The following ELAPOR1 variants were observed in gnomAD, a reference collection of about 807,000 sequenced individuals.
The protein encoded by ELAPOR1 is endosome/lysosome-associated apoptosis and autophagy regulator 1.
In ELAPOR1, 77 loss-of-function variants were observed where a neutral mutation model predicts 119.7. The observed-to-expected ratio is 0.64, with a 90% CI of 0.54 to 0.78. The LOEUF is 0.78. Ranked by LOEUF, ELAPOR1 falls within the 30% of genes least tolerant of loss-of-function variation. The pLI is 0.00. For synonymous variants in ELAPOR1, 481 were observed against 487.2 expected (o/e 0.99, Z 0.17); for missense variants, 1,115 against 1,270.4 (o/e 0.88, Z 1.86).
intron 1 of ELAPOR1, among the ~76,000 whole-genome samples, chr1:109,148,373 A>C (rs1184411347): frequency 1.4e-5 from 2 of 148,146 alleles, no homozygotes; most frequent in Non-Finnish European, 3.0e-5. Context: ...TCCTGACCTC[A>C]GGTGATCCGC....
At chr1:109,132,194 C>G (rs968069387) in intron 1 of ELAPOR1, among the ~76,000 whole-genome samples, 3 of 151,980 alleles carry the variant, frequency 2.0e-5, no homozygotes, top group African/African-American at 7.3e-5. Flanking sequence ...GTCACCCAGG[C>G]TAGAGTGCAA....
chr1:109,157,300 T>G (rs145528534), intron 1 of ELAPOR1, among the ~76,000 whole-genome samples: 51 of 152,286 alleles, frequency 3.3e-4, no homozygotes, highest in African/African-American at 1.0e-3. Flanking sequence ...GCAAGTGACT[T>G]TGCCTCTCAA....
chr1:109,143,190 T>C (rs549730846), intron 1 of ELAPOR1, among the ~76,000 whole-genome samples: 7 of 152,232 alleles, frequency 4.6e-5, no homozygotes, highest in Admixed American at 2.0e-4. Flanking sequence ...CCTCAAGAGA[T>C]CCACCCGCCT....
intron 9 of ELAPOR1, 112 bp downstream of exon 9, chr1:109,188,466 A>G: frequency 8.0e-7 from 1 of 1,253,500 alleles, no homozygotes. Flanking sequence ...GGGAGGCAGT[A>G]AGGAATAAGG....
In ELAPOR1 at chr1:109,200,749, A is replaced by G; in HGVS notation, c.2822A>G (p.Tyr941Cys). ...WKKNQKLEYKYSKLVMNATLK... is the reference protein window; with the variant it reads ...WKKNQKLEYKCSKLVMNATLK... ...CTGTTTTATAGACTAGAGTACAAGTACTCCAAGCTGGTGATGAATGCTACT... is the reference window on the plus strand; with the variant it reads ...CTGTTTTATAGACTAGAGTACAAGTGCTCCAAGCTGGTGATGAATGCTACT... Residue 941 changes from tyrosine (Y) to cysteine (C), a missense_variant, in exon 21 of 22, where the codon TAC (tyrosine) becomes TGC (cysteine). Tyr to Cys is a radical substitution (Grantham distance 194). Coordinates refer to ENST00000369939, the MANE Select transcript of ELAPOR1 (RefSeq NM_020775.5). 1 of 1,613,780 alleles carries G rather than the reference A, an allele frequency of 6.2e-7. No individual in the cohort carries two copies. The highest frequency in any genetic ancestry group is 2.2e-5 in the East Asian group (1 of 44,872).
intron 3 of ELAPOR1, among the ~76,000 whole-genome samples, chr1:109,171,386 A>T (rs1435205258): frequency 6.6e-6 from 1 of 150,496 alleles, no homozygotes; most frequent in Non-Finnish European, 1.5e-5. Context: ...TGTCTCTACT[A>T]AAAAAAAATA....
intron 1 of ELAPOR1, among the ~76,000 whole-genome samples, 187 bp downstream of exon 1, chr1:109,114,523 C>CA (rs1321846569): frequency 1.3e-5 from 2 of 152,068 alleles, no homozygotes; most frequent in Non-Finnish European, 2.9e-5. Flanking sequence ...TTGGAGGACT[C>CA]ACGGATAGAT....
At chr1:109,177,537 G>C (rs1362489770) in intron 7 of ELAPOR1, among the ~76,000 whole-genome samples, 2 of 116,742 alleles carry the variant, frequency 1.7e-5, no homozygotes, top group African/African-American at 7.6e-5. Flanking sequence ...CCCAGACGGG[G>C]TGGCGGCCGG....
chr1:109,192,177 C>T (rs1358770747), intron 13 of ELAPOR1, among the ~76,000 whole-genome samples: 1 of 152,166 alleles, frequency 6.6e-6, no homozygotes, highest in Admixed American at 6.5e-5. Flanking sequence ...CAAAGGAATA[C>T]AGGCTCATTG....
intron 10 of ELAPOR1, 63 bp downstream of exon 10, chr1:109,189,257 T>G (rs1224903070): frequency 1.3e-6 from 2 of 1,553,932 alleles, no homozygotes; most frequent in African/African-American, 2.7e-5. Context: ...TCTTCCAACT[T>G]CACATTTCTT....
At chr1:109,191,140 G>A (rs1653406088) in intron 11 of ELAPOR1, among the ~76,000 whole-genome samples, 1 of 152,136 alleles carries the variant, frequency 6.6e-6, no homozygotes, top group South Asian at 2.1e-4. Context: ...ATGATGGGGG[G>A]TAGGTAAGAA....
At chr1:109,165,210 T>C (rs770061035) in intron 3 of ELAPOR1, among the ~76,000 whole-genome samples, 5 of 152,110 alleles carry the variant, frequency 3.3e-5, no homozygotes, top group Non-Finnish European at 7.4e-5. Flanking sequence ...GAGGATAACT[T>C]GAGCCTAGGA....
chr1:109,147,256 A>C (rs932614485), intron 1 of ELAPOR1, among the ~76,000 whole-genome samples: 1 of 152,060 alleles, frequency 6.6e-6, no homozygotes, highest in African/African-American at 2.4e-5. Context: ...TAACACAATT[A>C]AACAGTTAGT....
intron 5 of ELAPOR1, 138 bp downstream of exon 5, chr1:109,172,706 T>C: frequency 1.5e-6 from 1 of 660,534 alleles, no homozygotes; most frequent in Non-Finnish European, 2.7e-6. Flanking sequence ...GAAGATGCTG[T>C]AGTTACTGTC....
chr1:109,152,226 A>C (rs181845428), intron 1 of ELAPOR1, among the ~76,000 whole-genome samples: 199 of 152,278 alleles, frequency 1.3e-3, no homozygotes, highest in African/African-American at 4.5e-3. Flanking sequence ...CTATGAGAGG[A>C]GAAGAGAAAC....
chr1:109,197,254 T>C (rs1653863588), intron 15 of ELAPOR1, among the ~76,000 whole-genome samples: 2 of 152,010 alleles, frequency 1.3e-5, no homozygotes, highest in African/African-American at 2.4e-5. Context: ...ACCATTGCAC[T>C]CCAGCCCGGG....
intron 3 of ELAPOR1, among the ~76,000 whole-genome samples, chr1:109,171,079 A>G (rs553546530): frequency 1.3e-5 from 2 of 152,304 alleles, no homozygotes; most frequent in South Asian, 4.1e-4. Flanking sequence ...AGAGTTTGGC[A>G]GACCTGATTT....
In ELAPOR1 at chr1:109,192,628, T is replaced by C; in HGVS notation, c.1701T>C (p.Asn567=). Residue 567 remains asparagine (N), a synonymous_variant, in exon 14 of 22, where the codon AAT becomes AAC. Coordinates refer to ENST00000369939, the MANE Select transcript of ELAPOR1 (RefSeq NM_020775.5). Reference sequence around the variant, plus strand: ...GTCTCCAGAGCAGGAAGTACACCAATGACGTTGCCAAGATCTACTCCATCA... The same window carrying C: ...GTCTCCAGAGCAGGAAGTACACCAACGACGTTGCCAAGATCTACTCCATCA... The part of the protein sequence containing the change: ...TFHEASRKYT[N]DVAKIYSINV... 3.1e-6 allele frequency: 5 copies of C among 1,614,042 alleles called. No homozygotes were observed. Among genetic ancestry groups the C allele is most frequent in the Non-Finnish European group, 4.2e-6 (5 of 1,180,002 alleles).
chr1:109,147,990 C>T (rs564553837), intron 1 of ELAPOR1, among the ~76,000 whole-genome samples: 198 of 128,272 alleles, frequency 1.5e-3, no homozygotes, highest in Non-Finnish European at 2.3e-3. Context: ...CCACCACGCC[C>T]GGCTAATTTT....
Sources: allele counts gnomAD v4.1 joint callset (sites outside exome capture counted in the v4.1 genomes callset), GRCh38; gene constraint gnomAD v4.1.1; transcripts MANE v1.5; gene names NCBI Gene and HGNC (gene_info 2026-07-23, HGNC 2026-07-21).